Variants in SLC35F3 observed in about 807,000 individuals in gnomAD.
The protein encoded by SLC35F3 is solute carrier family 35 member F3, also known as putative thiamine transporter SLC35F3.
A neutral mutation model predicts 49.9 loss-of-function variants in SLC35F3; 25 were observed. The ratio of observed to expected loss-of-function variants is 0.50; its 90% confidence interval spans 0.37 to 0.70. The LOEUF is 0.70. Ranked by LOEUF, SLC35F3 falls within the 30% of genes least tolerant of loss-of-function variation. The pLI is 0.00. For missense variants in SLC35F3, 525 were observed against 639.8 expected (o/e 0.82, Z 1.94); for synonymous variants, 275 against 265.4 (o/e 1.04, Z -0.35).
chr1:233,904,983 C>G lies in SLC35F3; in HGVS notation c.-95C>G. ...GCGCAGACCCTCGGTGGGCAGCGCA[C>G]TCCAGTCTTCCCAGGCTAGCGGCTG... On this transcript the variant is annotated 5_prime_UTR_variant, in exon 1 of 8. Transcript: ENST00000366618. The G allele has an allele frequency of 7.1e-7, 1 of 1,404,014 alleles. No individual in the cohort carries two copies. The highest frequency in any genetic ancestry group is 9.8e-7 in the Non-Finnish European group (1 of 1,023,972). The allele number at this position is 1,404,014 out of a possible 1,614,324, so 87.0% of individuals were successfully genotyped here. A position where few individuals can be genotyped will look rare whatever the true frequency, so the allele number is the denominator to read the frequency against.
intron 2 of SLC35F3, among the ~76,000 whole-genome samples, chr1:234,224,125 C>T (rs903153916): frequency 3.3e-5 from 5 of 152,108 alleles, no homozygotes; most frequent in African/African-American, 9.7e-5. Flanking sequence ...AGTGCACTGG[C>T]GCAATCACTG....
chr1:234,284,949 C>T (rs1668393901), intron 3 of SLC35F3: 1 of 162,980 alleles, frequency 6.1e-6, no homozygotes, highest in Admixed American at 6.1e-5. Flanking sequence ...ACAAAAGTGG[C>T]TTTTGCCGTA....
At chr1:233,978,675 C>T (rs1663130742) in intron 2 of SLC35F3, among the ~76,000 whole-genome samples, 1 of 152,172 alleles carries the variant, frequency 6.6e-6, no homozygotes, top group African/African-American at 2.4e-5. Flanking sequence ...CTGCATCATT[C>T]ATGGTGTTTA....
chr1:234,098,487 TTGG>T (rs200644730), intron 2 of SLC35F3, among the ~76,000 whole-genome samples: 1,979 of 148,628 alleles, frequency 0.013, 15 homozygotes, highest in Middle Eastern at 0.022. Context: ...GTGGTGACTG[TTGG>T]TGGTGGCAGT....
chr1:234,156,680 G>C (rs1347300928), intron 2 of SLC35F3, among the ~76,000 whole-genome samples: 2 of 152,198 alleles, frequency 1.3e-5, no homozygotes, highest in East Asian at 3.9e-4. Context: ...GTTCAGAGCA[G>C]CATTATTCAT....
intron 4 of SLC35F3, among the ~76,000 whole-genome samples, chr1:234,315,228 A>C (rs1370336092): frequency 6.6e-6 from 1 of 152,220 alleles, no homozygotes; most frequent in African/African-American, 2.4e-5. Context: ...TTAGGGGTGG[A>C]TACAGTATTA....
chr1:234,023,386 G>C (rs1023127724), intron 2 of SLC35F3, among the ~76,000 whole-genome samples: 3 of 152,156 alleles, frequency 2.0e-5, no homozygotes, highest in African/African-American at 7.2e-5. Context: ...AACTGAAAGG[G>C]CTCCCAGTGG....
chr1:233,976,159 G>A (rs1007551095), intron 2 of SLC35F3, among the ~76,000 whole-genome samples: 2 of 152,098 alleles, frequency 1.3e-5, no homozygotes, highest in Non-Finnish European at 2.9e-5. Flanking sequence ...CATTTTTATG[G>A]CACAATGTTT....
chr1:234,067,479 A>G lies in SLC35F3; in HGVS notation c.283+161721A>G, dbSNP rs144004869. 2.5e-3 allele frequency among the ~76,000 whole-genome samples: 376 copies of G among 152,296 alleles called. 3 individuals are homozygous for G. The highest frequency in any genetic ancestry group is 8.5e-3 in the African/African-American group (354 of 41,564). On this transcript the variant is annotated intron_variant, in intron 2 of 7. Transcript: ENST00000366618. Reference sequence around the variant, plus strand: ...CCGCATATCCTCTCCTTATGTCCGCATCCGTGAGTGGTCTTCTTGACTCTG... The same window carrying G: ...CCGCATATCCTCTCCTTATGTCCGCGTCCGTGAGTGGTCTTCTTGACTCTG...
chr1:234,258,747 C>A (rs1048921954), intron 3 of SLC35F3, among the ~76,000 whole-genome samples: 1 of 152,254 alleles, frequency 6.6e-6, no homozygotes, highest in Non-Finnish European at 1.5e-5. Context: ...TCTCAGATTT[C>A]TCTTACTGTC....
Position 234,308,844 on chromosome 1 carries a change from T to A in SLC35F3, c.609-257T>A, listed in dbSNP as rs566658425. 3.9e-5 allele frequency among the ~76,000 whole-genome samples: 6 copies of A among 152,072 alleles called. 1 individual carries two copies. The highest frequency in any genetic ancestry group is 6.6e-5 in the Admixed American group (1 of 15,262). The stretch of plus-strand genomic sequence containing the variant: ...GATAACACACCAACATTACCTTCTG[T>A]ATAGAACCATAAATTCCAAGCTTAA... On this transcript the variant is annotated intron_variant, in intron 3 of 7. Coordinates refer to ENST00000366618, the MANE Select transcript of SLC35F3 (RefSeq NM_173508.4).
chr1:234,116,442 T>G (rs916009318), intron 2 of SLC35F3, among the ~76,000 whole-genome samples: 2 of 151,892 alleles, frequency 1.3e-5, no homozygotes, highest in Admixed American at 6.6e-5. Context: ...TTTATTTTGG[T>G]GCTCACATTG....
chr1:234,106,690 G>C lies in SLC35F3; in HGVS notation c.284-124727G>C, dbSNP rs1381659960. 2.6e-5 allele frequency among the ~76,000 whole-genome samples: 4 copies of C among 152,152 alleles called. No homozygotes were observed. In the East Asian group the frequency reaches 7.7e-4, roughly 29 times the overall value. On this transcript the variant is annotated intron_variant, in intron 2 of 7. Coordinates refer to ENST00000366618, the MANE Select transcript of SLC35F3 (RefSeq NM_173508.4). ...AAACACATTCACATTGAGGGTTAAGGCTTCAATATATGAATTGTGGGGAGG... is the reference window on the plus strand; with the variant it reads ...AAACACATTCACATTGAGGGTTAAGCCTTCAATATATGAATTGTGGGGAGG...
intron 2 of SLC35F3, among the ~76,000 whole-genome samples, chr1:234,204,286 A>C (rs967149011): frequency 6.6e-6 from 1 of 152,204 alleles, no homozygotes; most frequent in Non-Finnish European, 1.5e-5. Context: ...AGATATATCA[A>C]TTTTTATTCT....
chr1:234,125,429 C>T lies in SLC35F3; in HGVS notation c.284-105988C>T, dbSNP rs564813775. On this transcript the variant is annotated intron_variant, in intron 2 of 7. Coordinates refer to ENST00000366618, the MANE Select transcript of SLC35F3 (RefSeq NM_173508.4). ...ACATTTCAATGTCCAAAGCAAATCA[C>T]GTGGCTGCTCTTGAGTTCACGTACT... is the stretch of plus-strand genomic sequence containing the variant. Among the ~76,000 whole-genome samples, 9 of 152,286 alleles carry T rather than the reference C, an allele frequency of 5.9e-5. No homozygotes were observed. In the East Asian group the frequency reaches 1.5e-3, roughly 26 times the overall value.
chr1:234,119,437 A>G (rs1335387645), intron 2 of SLC35F3, among the ~76,000 whole-genome samples: 6 of 152,174 alleles, frequency 3.9e-5, no homozygotes, highest in African/African-American at 1.4e-4. Context: ...AATTATAGCT[A>G]ATTTGTTATT....
chr1:234,234,415 G>A (rs943085626), intron 3 of SLC35F3, among the ~76,000 whole-genome samples: 7 of 152,286 alleles, frequency 4.6e-5, no homozygotes, highest in East Asian at 1.9e-4. Context: ...ACAGAGCTCC[G>A]CAACCTGCAA....
At chr1:234,289,677 C>G (rs1424396693) in intron 3 of SLC35F3, among the ~76,000 whole-genome samples, 1 of 152,178 alleles carries the variant, frequency 6.6e-6, no homozygotes, top group Non-Finnish European at 1.5e-5. Context: ...AAACTGTGAG[C>G]TAAGAAATTA....
At chr1:234,139,689 C>T (rs997483183) in intron 2 of SLC35F3, among the ~76,000 whole-genome samples, 6 of 152,078 alleles carry the variant, frequency 3.9e-5, no homozygotes, top group Admixed American at 2.0e-4. Flanking sequence ...GTGTCTCACA[C>T]CTGTAATCCC....
Sources: gnomAD v4.1 joint callset for allele counts (sites outside exome capture counted in the v4.1 genomes callset) on GRCh38, gnomAD v4.1.1 for gene constraint, MANE v1.5 for transcripts, NCBI Gene and HGNC (gene_info 2026-07-23, HGNC 2026-07-21) for gene names.